PRKAG2: variants seen among roughly 807,000 people sequenced by gnomAD.
The protein encoded by PRKAG2 is protein kinase AMP-activated non-catalytic subunit gamma 2.
Under a neutral mutation model 69.6 loss-of-function variants are expected in PRKAG2, and 26 were observed. The observed-to-expected ratio is 0.37, with a 90% CI of 0.27 to 0.52. PRKAG2 has a LOEUF of 0.52. Among genes scored for constraint, PRKAG2 ranks in the 20% least tolerant of loss-of-function variants. PRKAG2 has a pLI of 0.90. For missense variants in PRKAG2, 557 were observed against 740.0 expected (o/e 0.75, Z 2.87); for synonymous variants, 293 against 285.0 (o/e 1.03, Z -0.28).
At chr7:151,557,812 G>A (rs1804080386) in intron 15 of PRKAG2, 1 of 749,948 alleles carries the variant, frequency 1.3e-6, no homozygotes, top group Non-Finnish European at 1.6e-6. Flanking sequence ...GGAGGTTGCA[G>A]TGAGCCGAGA....
At chr7:151,568,240 A>C (rs1584954533) in intron 11 of PRKAG2, among the ~76,000 whole-genome samples, 2 of 152,244 alleles carry the variant, frequency 1.3e-5, no homozygotes, top group Admixed American at 6.5e-5. Context: ...TTCTCTTGCC[A>C]AAATTTTATT....
chr7:151,632,397 G>T lies in PRKAG2; in HGVS notation c.685-259C>A, dbSNP rs1824848974. ...CGAGTGGGACGCGCCGCTCCCCCCC[G>T]CGCCTTGGTACGGCCCGCCCGGGAG... On this transcript the variant is annotated intron_variant, in intron 4 of 15. Coordinates refer to ENST00000287878, the MANE Select transcript of PRKAG2 (RefSeq NM_016203.4). The surrounding 1 kb of genome is among the most constrained non-coding windows in gnomAD (Gnocchi z 4.2). 1 of 477,404 alleles carries T rather than the reference G, an allele frequency of 2.1e-6. No homozygotes were observed. The highest frequency in any genetic ancestry group is 2.7e-6 in the Non-Finnish European group (1 of 367,872). The allele number at this position is 477,404 out of a possible 1,614,324, so 29.6% of individuals were successfully genotyped here. A position where few individuals can be genotyped will look rare whatever the true frequency, so the allele number is the denominator to read the frequency against.
At chr7:151,856,660 G>A (rs2079783728) in intron 1 of PRKAG2, among the ~76,000 whole-genome samples, 1 of 152,228 alleles carries the variant, frequency 6.6e-6, no homozygotes, top group African/African-American at 2.4e-5. Flanking sequence ...AAGACGTTAA[G>A]TCTGGCACCC....
At chr7:151,844,375 C>T (rs777671417) in intron 1 of PRKAG2, among the ~76,000 whole-genome samples, 4 of 152,102 alleles carry the variant, frequency 2.6e-5, no homozygotes, top group South Asian at 2.1e-4. Flanking sequence ...GAAGTCAGAG[C>T]GGCTTCCTCA....
At chr7:151,669,239 C>A (rs1831469094) in intron 4 of PRKAG2, among the ~76,000 whole-genome samples, 1 of 151,848 alleles carries the variant, frequency 6.6e-6, no homozygotes. Flanking sequence ...CTCTCTCTCA[C>A]ATCAGGATAC....
intron 5 of PRKAG2, among the ~76,000 whole-genome samples, chr7:151,605,603 G>T (rs866931650): frequency 6.7e-6 from 1 of 149,860 alleles, no homozygotes; most frequent in South Asian, 2.1e-4. Context: ...TGTGCATAGT[G>T]GTGCATGCCT....
At chr7:151,577,539 CT>C (rs1256880248) in intron 6 of PRKAG2, among the ~76,000 whole-genome samples, 1 of 152,188 alleles carries the variant, frequency 6.6e-6, no homozygotes, top group African/African-American at 2.4e-5. Flanking sequence ...TATAAAACCA[CT>C]GGTGGCACCA....
intron 5 of PRKAG2, among the ~76,000 whole-genome samples, chr7:151,605,210 T>C (rs1330703950): frequency 6.7e-6 from 1 of 149,458 alleles, no homozygotes; most frequent in Non-Finnish European, 1.5e-5. Context: ...AGAGACGGGG[T>C]TTCACCATGT....
At chr7:151,713,873 AC>A (rs1795718086) in intron 3 of PRKAG2, among the ~76,000 whole-genome samples, 2 of 152,014 alleles carry the variant, frequency 1.3e-5, no homozygotes, top group Admixed American at 6.5e-5. Flanking sequence ...ACTGCACCTG[AC>A]CCCCAGTGTT....
At chr7:151,865,527 C>T (rs915885986) in intron 1 of PRKAG2, among the ~76,000 whole-genome samples, 1 of 152,232 alleles carries the variant, frequency 6.6e-6, no homozygotes, top group Admixed American at 6.5e-5. Context: ...CCATGTGGAT[C>T]ACAGTGAGAC....
intron 3 of PRKAG2, among the ~76,000 whole-genome samples, chr7:151,753,614 C>T (rs2151741723): frequency 6.6e-6 from 1 of 152,244 alleles, no homozygotes; most frequent in South Asian, 2.1e-4. Context: ...GACAGAGTCT[C>T]ACCATGTTGC....
At chr7:151,734,564 T>C (rs1462798493) in intron 3 of PRKAG2, among the ~76,000 whole-genome samples, 1 of 152,200 alleles carries the variant, frequency 6.6e-6, no homozygotes, top group African/African-American at 2.4e-5. Flanking sequence ...CTGATTTGTT[T>C]TTTTAGATAG....
At chr7:151,660,646 T>C (rs1021206589) in intron 4 of PRKAG2, among the ~76,000 whole-genome samples, 1 of 152,222 alleles carries the variant, frequency 6.6e-6, no homozygotes, top group African/African-American at 2.4e-5. Flanking sequence ...AATGAAACCA[T>C]GTAAATTGAA....
intron 1 of PRKAG2, among the ~76,000 whole-genome samples, chr7:151,805,095 T>C (rs2078035925): frequency 6.6e-6 from 1 of 152,196 alleles, no homozygotes; most frequent in Non-Finnish European, 1.5e-5. Context: ...AATCTGTTCC[T>C]CCATCCTTGA....
intron 3 of PRKAG2, among the ~76,000 whole-genome samples, chr7:151,778,873 G>C (rs1006450673): frequency 4.6e-5 from 7 of 152,026 alleles, no homozygotes; most frequent in African/African-American, 1.5e-4. Flanking sequence ...GCAGTCCAAT[G>C]CATGTCCTTT....
At chr7:151,709,693 CAT>C (rs755332596) in intron 3 of PRKAG2, among the ~76,000 whole-genome samples, 19 of 152,256 alleles carry the variant, frequency 1.2e-4, no homozygotes, top group Admixed American at 9.1e-4. Context: ...GTGACACACA[CAT>C]AACACTGACA....
In PRKAG2 at chr7:151,781,189, C is replaced by A. The variant is rs757727533; in HGVS notation, c.429G>T (p.Ser143=). Residue 143 remains serine (S), a synonymous_variant, in exon 3 of 16, where the codon TCG becomes TCT. Coordinates refer to ENST00000287878, the MANE Select transcript of PRKAG2 (RefSeq NM_016203.4). This position sits in a 1 kb window ranked among gnomAD's most constrained non-coding sequence, Gnocchi z 6.1. ...ESSPNSNPAT[S]PGGIRFFSRS... ...GGGAGAAAAACCTGATGCCCCCGGGCGAGGTAGCAGGGTTGGAGTTGGGGG... is the reference window on the plus strand; with the variant it reads ...GGGAGAAAAACCTGATGCCCCCGGGAGAGGTAGCAGGGTTGGAGTTGGGGG... 1.2e-6 allele frequency: 2 copies of A among 1,614,022 alleles called. No individual in the cohort carries two copies. Among genetic ancestry groups the A allele is most frequent in the South Asian group, 1.1e-5 (1 of 91,080 alleles).
intron 6 of PRKAG2, among the ~76,000 whole-genome samples, chr7:151,579,248 C>T (rs1482778071): frequency 6.6e-6 from 1 of 152,218 alleles, no homozygotes; most frequent in Non-Finnish European, 1.5e-5. Context: ...TCTCAAACTC[C>T]TGGGCTTAAG....
At chr7:151,786,439 CTG>C (rs752258334) in intron 2 of PRKAG2, 29 bp downstream of exon 2, 3 of 1,583,720 alleles carry the variant, frequency 1.9e-6, no homozygotes, top group Admixed American at 3.5e-5. Flanking sequence ...CTCAAGTGAG[CTG>C]TGAGAAACTT....
Sources: allele counts gnomAD v4.1 joint callset (sites outside exome capture counted in the v4.1 genomes callset), GRCh38; gene constraint gnomAD v4.1.1; non-coding constraint Gnocchi (gnomAD v3.1); transcripts MANE v1.5; gene names NCBI Gene and HGNC (gene_info 2026-07-23, HGNC 2026-07-21).